The following MAST4 variants were observed in gnomAD, a reference collection of about 807,000 sequenced individuals.
The protein encoded by MAST4 is microtubule associated serine/threonine kinase family member 4.
A neutral mutation model predicts 162.7 loss-of-function variants in MAST4; 89 were observed. The ratio of observed to expected loss-of-function variants is 0.55; its 90% confidence interval spans 0.46 to 0.65. MAST4 has a LOEUF of 0.65. Ranked by LOEUF, MAST4 falls within the 30% of genes least tolerant of loss-of-function variation. The probability of loss-of-function intolerance (pLI) is 0.00; values close to 1 mark genes in which losing one functional copy is unlikely to be tolerated. For synonymous variants in MAST4, 1,479 were observed against 1,361.1 expected, an observed-to-expected ratio of 1.09 and a Z score of -1.91; for missense variants, 3,153 against 3,374.0, an observed-to-expected ratio of 0.93 and a Z score of 1.62.
At chr5:66,679,775 C>T (rs1748208830) in intron 1 of MAST4, among the ~76,000 whole-genome samples, 1 of 151,964 alleles carries the variant, frequency 6.6e-6, no homozygotes, top group African/African-American at 2.4e-5. Flanking sequence ...ATATGCTTTG[C>T]ATATGTCCTT....
intron 3 of MAST4, among the ~76,000 whole-genome samples, chr5:66,810,498 C>G (rs1756424961): frequency 6.6e-6 from 1 of 152,160 alleles, no homozygotes; most frequent in African/African-American, 2.4e-5. Flanking sequence ...TACCCATATT[C>G]CATTGTCTGG....
chr5:66,915,567 G>A (rs987547068), intron 4 of MAST4, among the ~76,000 whole-genome samples: 1 of 152,222 alleles, frequency 6.6e-6, no homozygotes, highest in East Asian at 1.9e-4. Flanking sequence ...ACATGGCATT[G>A]TCCATAGATG....
chr5:67,120,417 A>C (rs1026457985), intron 13 of MAST4, among the ~76,000 whole-genome samples: 11 of 152,220 alleles, frequency 7.2e-5, no homozygotes, highest in East Asian at 3.8e-4. Context: ...GGCATGAGAG[A>C]ATTTTTTTAA....
intron 1 of MAST4, among the ~76,000 whole-genome samples, chr5:66,692,868 G>A (rs1242306929): frequency 6.6e-6 from 1 of 152,110 alleles, no homozygotes; most frequent in Non-Finnish European, 1.5e-5. Flanking sequence ...TAGGTTGGTG[G>A]TAGCTGTCAG....
chr5:66,651,000 G>A (rs1746179518), intron 1 of MAST4, among the ~76,000 whole-genome samples: 1 of 152,108 alleles, frequency 6.6e-6, no homozygotes, highest in South Asian at 2.1e-4. Context: ...CTACATGGAG[G>A]GTGAAGAATT....
At chr5:66,618,218 A>G (rs4379152) in intron 1 of MAST4, among the ~76,000 whole-genome samples, 16,487 of 152,258 alleles carry the variant, frequency 0.11, 1,081 homozygotes, top group Middle Eastern at 0.17. Flanking sequence ...AGATGTTTGC[A>G]TGCATCAGCC....
chr5:67,006,317 CTA>C (rs1359496708), intron 4 of MAST4, among the ~76,000 whole-genome samples: 1 of 152,184 alleles, frequency 6.6e-6, no homozygotes, highest in Admixed American at 6.5e-5. Flanking sequence ...AGTAATGTGA[CTA>C]TGTTTTTCTC....
rs750901312 is a variant in MAST4, at chr5:67,118,749, T to C, written c.1659T>C (p.Ser553=). ...AETPETDESV[S]SSNASLKLRR... is the part of the protein sequence containing the mutation. ...CACCAGAAACAGATGAATCAGTGAGTGTAAGTATATTTCTTGATGAAATAT... is the reference window on the plus strand; with the variant it reads ...CACCAGAAACAGATGAATCAGTGAGCGTAAGTATATTTCTTGATGAAATAT... The change falls in exon 13 of 29, where the codon AGT becomes AGC. Residue 553 remains serine, a splice_region_variant and synonymous_variant. Coordinates refer to ENST00000403625, the MANE Select transcript of MAST4 (RefSeq NM_001164664.2). 7.2e-6 allele frequency: 11 copies of C among 1,532,966 alleles called. No individual in the cohort carries two copies. Among genetic ancestry groups the C allele is most frequent in the Non-Finnish European group, 3.6e-6 (4 of 1,122,946 alleles). 95.0% of individuals were successfully genotyped at this position (1,532,966 alleles called of 1,614,324 possible).
At position 67,054,634 on chromosome 5, in the gene MAST4, G is replaced by T. The variant is rs893924845; in HGVS notation, c.763+142G>T. On this transcript the variant is annotated intron_variant, in intron 5 of 28. Coordinates refer to ENST00000403625, the MANE Select transcript of MAST4 (RefSeq NM_001164664.2). The stretch of plus-strand genomic sequence containing the variant: ...GTTTTATCCCTAAGTTGTTCTTTGC[G>T]ATATGTTAGCCCAGATCTTATCCTC... The T allele has an allele frequency of 6.8e-6, 5 of 733,288 alleles. No homozygotes were observed. The Admixed American group carries it at 1.6e-4, about 24-fold the overall frequency. The allele number at this position is 733,288 out of a possible 1,614,324, so 45.4% of individuals were successfully genotyped here. A position where few individuals can be genotyped will look rare whatever the true frequency, so the allele number is the denominator to read the frequency against.
At position 66,993,558 on chromosome 5, in the gene MAST4, G is replaced by A. The variant is rs563669444; in HGVS notation, c.675-60846G>A. ...TGCAGGAAAAGGTCAGGACCACTTT[G>A]CTGGAGAGGTGACCTTACAGCTCAT... On this transcript the variant is annotated intron_variant, in intron 4 of 28. Transcript: ENST00000403625. Among the ~76,000 whole-genome samples, 28 of 152,332 alleles carry A rather than the reference G, an allele frequency of 1.8e-4. 1 individual carries two copies. The South Asian group carries it at 5.8e-3, about 32-fold the overall frequency.
At chr5:67,106,849 G>T (rs1252553972) in intron 10 of MAST4, among the ~76,000 whole-genome samples, 3 of 152,112 alleles carry the variant, frequency 2.0e-5, no homozygotes, top group African/African-American at 7.2e-5. Context: ...ACTGAGTTCA[G>T]TGCCTGGTGT....
chr5:66,673,023 C>A (rs551830974), intron 1 of MAST4, among the ~76,000 whole-genome samples: 61 of 152,122 alleles, frequency 4.0e-4, no homozygotes, highest in African/African-American at 1.2e-3. Flanking sequence ...TTTTAATTAG[C>A]GTTTCTCTAA....
chr5:66,705,144 G>A (rs1750049962), intron 1 of MAST4, among the ~76,000 whole-genome samples: 1 of 152,198 alleles, frequency 6.6e-6, no homozygotes, highest in Admixed American at 6.5e-5. Flanking sequence ...GGAAATTGGA[G>A]GATCAGGTTT....
intron 1 of MAST4, among the ~76,000 whole-genome samples, chr5:66,732,107 C>T (rs1419933052): frequency 6.6e-6 from 1 of 151,964 alleles, no homozygotes; most frequent in Admixed American, 6.6e-5. Flanking sequence ...TCCTAGACTA[C>T]TGCTTGTGTG....
intron 12 of MAST4, chr5:67,114,865 GT>G (rs1766694172): frequency 6.6e-6 from 1 of 152,096 alleles, no homozygotes; most frequent in African/African-American, 2.4e-5. Context: ...GGCCAATATG[GT>G]GAAACCCTGT....
chr5:67,015,043 G>A (rs977977594), intron 4 of MAST4, among the ~76,000 whole-genome samples: 1 of 152,134 alleles, frequency 6.6e-6, no homozygotes, highest in African/African-American at 2.4e-5. Context: ...CCATGGAATG[G>A]GTCCCAGGTT....
intron 1 of MAST4, among the ~76,000 whole-genome samples, chr5:66,696,225 G>A (rs1057409445): frequency 6.6e-6 from 1 of 152,056 alleles, no homozygotes; most frequent in African/African-American, 2.4e-5. Flanking sequence ...AGGAGGGAGA[G>A]CATCAGGATA....
intron 10 of MAST4, among the ~76,000 whole-genome samples, chr5:67,108,979 A>G (rs1373671562): frequency 6.6e-6 from 1 of 152,154 alleles, no homozygotes; most frequent in East Asian, 1.9e-4. Flanking sequence ...CCTAAAAGTG[A>G]ACATACAGAG....
In MAST4 at chr5:66,710,934, A is replaced by G. The variant is rs560011331; in HGVS notation, c.364-48775A>G. On this transcript the variant is annotated intron_variant, in intron 1 of 28. Coordinates refer to ENST00000403625, the MANE Select transcript of MAST4 (RefSeq NM_001164664.2). ...AATTTGATGAATTTTCTCAAAGTGA[A>G]TATGCCCGTGTAACCAGCACCCATA... Among the ~76,000 whole-genome samples, 4 of 152,338 alleles carry G rather than the reference A, an allele frequency of 2.6e-5. No homozygotes were observed. The South Asian group carries it at 6.2e-4, about 24-fold the overall frequency.
Sources: gnomAD v4.1 joint callset for allele counts (sites outside exome capture counted in the v4.1 genomes callset) on GRCh38, gnomAD v4.1.1 for gene constraint, MANE v1.5 for transcripts, NCBI Gene and HGNC (gene_info 2026-07-23, HGNC 2026-07-21) for gene names.